Variants in CFAP206 observed in about 807,000 individuals in gnomAD.
The protein encoded by CFAP206 is cilia and flagella associated protein 206, also known as cilia- and flagella-associated protein 206.
In CFAP206, 53 loss-of-function variants were observed where a neutral mutation model predicts 65.4. The ratio of observed to expected loss-of-function variants is 0.81; its 90% CI spans 0.65 to 1.02. CFAP206 has a LOEUF of 1.02. CFAP206 is among the 50% of genes least tolerant of loss of function. The probability of loss-of-function intolerance (pLI) is 0.00; values close to 1 mark genes in which losing one functional copy is unlikely to be tolerated. For missense variants in CFAP206, 663 were observed against 753.2 expected (o/e 0.88, Z 1.40); for synonymous variants, 250 against 254.4 (o/e 0.98, Z 0.17).
Position 87,464,375 on chromosome 6 carries a change from T to C in CFAP206, c.*125T>C, listed in dbSNP as rs967549609. 2 of 603,270 alleles carry C rather than the reference T, an allele frequency of 3.3e-6. No individual in the cohort carries two copies. The highest frequency in any genetic ancestry group is 1.8e-5 in the African/African-American group (1 of 54,392). The allele number at this position is 603,270 out of a possible 1,614,324, so 37.4% of individuals were successfully genotyped here. A position where few individuals can be genotyped will look rare whatever the true frequency, so the allele number is the denominator to read the frequency against. Reference sequence around the variant, plus strand: ...CACATTCATTGGTTGTGTGACTGTTTATTGGGTTCCCATATTTTATCAAAC... The same window carrying C: ...CACATTCATTGGTTGTGTGACTGTTCATTGGGTTCCCATATTTTATCAAAC... On this transcript the variant is annotated 3_prime_UTR_variant, in exon 13 of 13. Transcript: ENST00000369562.
chr6:87,442,901 T>G (rs1399297425), intron 11 of CFAP206, among the ~76,000 whole-genome samples: 1 of 152,158 alleles, frequency 6.6e-6, no homozygotes, highest in African/African-American at 2.4e-5. Context: ...TTAGAAGTTT[T>G]ACATTTATAT....
intron 11 of CFAP206, among the ~76,000 whole-genome samples, chr6:87,453,467 T>C (rs1385424517): frequency 6.6e-6 from 1 of 152,180 alleles, no homozygotes; most frequent in Non-Finnish European, 1.5e-5. Context: ...AAACTATTCA[T>C]ATCTCGAGTA....
intron 7 of CFAP206, among the ~76,000 whole-genome samples, chr6:87,425,539 G>C (rs1261997378): frequency 6.6e-6 from 1 of 152,082 alleles, no homozygotes; most frequent in Non-Finnish European, 1.5e-5. Context: ...TGGTTTACAA[G>C]GTACTTTAAC....
intron 11 of CFAP206, among the ~76,000 whole-genome samples, chr6:87,446,341 TG>T (rs1254475782): frequency 4.6e-5 from 7 of 152,184 alleles, no homozygotes; most frequent in African/African-American, 1.7e-4. Context: ...TTAATAGTTT[TG>T]GGTTTTACAT....
Position 87,461,148 on chromosome 6 carries a change from A to G in CFAP206, c.1621A>G (p.Arg541Gly). 1 of 1,559,442 alleles carries G rather than the reference A, an allele frequency of 6.4e-7. No individual in the cohort carries two copies. Among genetic ancestry groups the G allele is most frequent in the Non-Finnish European group, 8.6e-7 (1 of 1,161,202 alleles). Residue 541 changes from arginine (R) to glycine (G), a missense_variant, in exon 12 of 13, where the codon AGA becomes GGA. Coordinates refer to ENST00000369562, the MANE Select transcript of CFAP206 (RefSeq NM_001031743.3). ...TGAGTGGAATGAATGGGAATTAAGAAGAAAAGCTATAAAATTGGTTTGTAA... is the reference window on the plus strand; with the variant it reads ...TGAGTGGAATGAATGGGAATTAAGAGGAAAAGCTATAAAATTGGTTTGTAA... ...SYEWNEWELR[R>G]KAIKLANLRQ...
At chr6:87,434,502 CT>C (rs377378986) in intron 10 of CFAP206, among the ~76,000 whole-genome samples, 37,089 of 134,228 alleles carry the variant, frequency 0.28, 4,549 homozygotes, top group Admixed American at 0.36. Context: ...TTTTCTTTTT[CT>C]TTTTTTTTTT....
chr6:87,428,957 AGGGCCGGGTGTG>A, intron 9 of CFAP206, 133 bp downstream of exon 9: 1 of 924,056 alleles, frequency 1.1e-6, no homozygotes, highest in Non-Finnish European at 1.6e-6. Context: ...AGTACTAATG[AGGGCCGGGTGTG>A]GTGGCTCACG....
At chr6:87,441,344 A>G (rs994842032) in intron 11 of CFAP206, 7 of 155,796 alleles carry the variant, frequency 4.5e-5, no homozygotes, top group African/African-American at 1.7e-4. Flanking sequence ...TTCCTGCATG[A>G]AAGACTTCCA....
At position 87,408,008 on chromosome 6, in the gene CFAP206, C is replaced by G. The variant is rs1450989881; in HGVS notation, c.-87C>G. On this transcript the variant is annotated 5_prime_UTR_variant, in exon 1 of 13. Transcript: ENST00000369562. ...ATGGTTACGCGGCGGTGGCTGCGAGCGCCCAACTGCTCCGACCGTCGCGGT... is the reference window on the plus strand; with the variant it reads ...ATGGTTACGCGGCGGTGGCTGCGAGGGCCCAACTGCTCCGACCGTCGCGGT... 12 of 985,498 alleles carry G rather than the reference C, an allele frequency of 1.2e-5. No homozygotes were observed. Among genetic ancestry groups the G allele is most frequent in the Non-Finnish European group, 1.4e-5 (12 of 830,114 alleles). The allele number at this position is 985,498 out of a possible 1,614,324, so 61.0% of individuals were successfully genotyped here. A position where few individuals can be genotyped will look rare whatever the true frequency, so the allele number is the denominator to read the frequency against.
Position 87,464,292 on chromosome 6 carries a change from C to A in CFAP206, c.*42C>A. 1 of 1,482,652 alleles carries A rather than the reference C, an allele frequency of 6.7e-7. No homozygotes were observed. The highest frequency in any genetic ancestry group is 9.3e-7 in the Non-Finnish European group (1 of 1,075,424). The allele number at this position is 1,482,652 out of a possible 1,614,324, so 91.8% of individuals were successfully genotyped here. A position where few individuals can be genotyped will look rare whatever the true frequency, so the allele number is the denominator to read the frequency against. ...AAAATAGATGCTACTCAATTATGAA[C>A]AATAGCAAGTACTTAAAGGTATATT... On this transcript the variant is annotated 3_prime_UTR_variant, in exon 13 of 13. Coordinates refer to ENST00000369562, the MANE Select transcript of CFAP206 (RefSeq NM_001031743.3).
intron 3 of CFAP206, among the ~76,000 whole-genome samples, chr6:87,411,919 T>C (rs541675609): frequency 6.6e-6 from 1 of 152,302 alleles, no homozygotes; most frequent in Non-Finnish European, 1.5e-5. Flanking sequence ...ATAACAGATA[T>C]TGGTGAGGAT....
intron 7 of CFAP206, 148 bp from the exon 8 acceptor site, chr6:87,426,378 T>C (rs946502722): frequency 1.7e-5 from 8 of 472,746 alleles, no homozygotes; most frequent in African/African-American, 1.4e-4. Flanking sequence ...GGTACTGTTC[T>C]AGGTGTTGAG....
At chr6:87,461,599 C>A (rs1456036797) in intron 12 of CFAP206, among the ~76,000 whole-genome samples, 2 of 152,092 alleles carry the variant, frequency 1.3e-5, no homozygotes, top group African/African-American at 4.8e-5. Context: ...AGATACCTAC[C>A]CTTAAAGCCT....
At chr6:87,460,066 T>C (rs1283822303) in intron 11 of CFAP206, among the ~76,000 whole-genome samples, 1 of 152,218 alleles carries the variant, frequency 6.6e-6, no homozygotes, top group Non-Finnish European at 1.5e-5. Context: ...ATAAGATAAT[T>C]TTATAGTCAG....
At chr6:87,420,570 C>T (rs116336026) in intron 7 of CFAP206, among the ~76,000 whole-genome samples, 7 of 152,178 alleles carry the variant, frequency 4.6e-5, no homozygotes, top group African/African-American at 1.7e-4. Flanking sequence ...CCTTGGTTTC[C>T]GTATCTGTAA....
chr6:87,461,108 G>T lies in CFAP206; in HGVS notation c.1581G>T (p.Thr527=). Residue 527 remains threonine, a synonymous_variant, in exon 12 of 13, where the codon ACG becomes ACT. Transcript: ENST00000369562. The part of the protein sequence containing the change: ...TQTNTHILPP[T]IVRSYEWNEW... ...CGAATACACACATACTGCCACCAAC[G>T]ATTGTGAGATCATATGAGTGGAATG... is the stretch of plus-strand genomic sequence containing the variant. 6.3e-7 allele frequency: 1 copy of T among 1,591,862 alleles called. No individual in the cohort carries two copies. The highest frequency in any genetic ancestry group is 8.5e-7 in the Non-Finnish European group (1 of 1,172,414).
Position 87,416,609 on chromosome 6 carries a change from C to CGTTA in CFAP206, c.473-58_473-57insTAGT, listed in dbSNP as rs139163914. On this transcript the variant is annotated intron_variant, in intron 5 of 12. Transcript: ENST00000369562. ...GCTGCTAAAGAAAAACGTTATTTAA[C>CGTTA]GTCTGATATCTTTATTCTATCATTT... The CGTTA allele has an allele frequency of 3.2e-5, 46 of 1,456,152 alleles. No homozygotes were observed. The East Asian group carries it at 9.7e-4, about 31-fold the overall frequency. The allele number at this position is 1,456,152 out of a possible 1,614,324, so 90.2% of individuals were successfully genotyped here.
At chr6:87,445,388 GTGT>G (rs1225240265) in intron 11 of CFAP206, among the ~76,000 whole-genome samples, 2 of 151,832 alleles carry the variant, frequency 1.3e-5, no homozygotes, top group Non-Finnish European at 2.9e-5. Flanking sequence ...GCCCCACTGT[GTGT>G]TGTTCCTCTC....
At position 87,418,395 on chromosome 6, in the gene CFAP206, G is replaced by C. The variant is rs1259025975; in HGVS notation, c.819G>C (p.Glu273Asp). ...KEALYNIRQY[E>D]VFLQIILSDI... ...CGCTATATAATATACGACAATATGAGGTCTTCCTTCAGATCATTTTGGTGA... is the reference window on the plus strand; with the variant it reads ...CGCTATATAATATACGACAATATGACGTCTTCCTTCAGATCATTTTGGTGA... The change falls in exon 7 of 13, where the codon GAG becomes GAC. Residue 273 changes from glutamate to aspartate, a missense_variant. Transcript: ENST00000369562. 3.7e-6 allele frequency: 6 copies of C among 1,613,832 alleles called. No homozygotes were observed. Among genetic ancestry groups the C allele is most frequent in the Non-Finnish European group, 5.1e-6 (6 of 1,179,984 alleles).
Sources: gnomAD v4.1 joint callset for allele counts (sites outside exome capture counted in the v4.1 genomes callset) on GRCh38, gnomAD v4.1.1 for gene constraint, MANE v1.5 for transcripts, NCBI Gene and HGNC (gene_info 2026-07-23, HGNC 2026-07-21) for gene names.